TMEM62: variants seen among roughly 807,000 people sequenced by gnomAD.
TMEM62 encodes the protein transmembrane protein 62.
TMEM62 carries 41 observed loss-of-function variants against 70.4 expected under a neutral mutation model. The observed-to-expected ratio is 0.58, with a 90% CI of 0.45 to 0.76. TMEM62 has a LOEUF of 0.76. Among genes scored for constraint, TMEM62 ranks in the 30% least tolerant of loss-of-function variants. The pLI is 0.00. For synonymous variants in TMEM62, 268 were observed against 291.0 expected (o/e 0.92, Z 0.80); for missense variants, 688 against 788.5 (o/e 0.87, Z 1.53).
At chr15:43,167,348 G>A (rs1323071336) in intron 10 of TMEM62, among the ~76,000 whole-genome samples, 3 of 151,896 alleles carry the variant, frequency 2.0e-5, no homozygotes, top group African/African-American at 2.4e-5. Context: ...CCGGGCGGAG[G>A]GGCTCCTCAC....
chr15:43,145,300 G>T (rs533431598), intron 4 of TMEM62, among the ~76,000 whole-genome samples: 1 of 149,032 alleles, frequency 6.7e-6, no homozygotes. Context: ...CGCCTCCCGG[G>T]TTCAAGCCAT....
intron 11 of TMEM62, among the ~76,000 whole-genome samples, chr15:43,173,414 T>C (rs2082677795): frequency 6.6e-6 from 1 of 152,170 alleles, no homozygotes; most frequent in Non-Finnish European, 1.5e-5. Flanking sequence ...GCAAAAGCCT[T>C]AAGTGGCTTT....
At chr15:43,133,325 G>C (rs1007779338), upstream of TMEM62, 1 of 154,300 alleles carries the variant, frequency 6.5e-6, no homozygotes, top group Non-Finnish European at 1.4e-5. Context: ...AATTTAAAAG[G>C]CGTTCTCATA....
intron 2 of TMEM62, 48 bp downstream of exon 2, chr15:43,134,416 A>G: frequency 6.9e-7 from 1 of 1,457,766 alleles, no homozygotes; most frequent in Non-Finnish European, 9.6e-7. Context: ...TCCGCATGGT[A>G]GAACTCTAGC....
chr15:43,134,790 G>C (rs2034973212), intron 2 of TMEM62, among the ~76,000 whole-genome samples: 1 of 152,192 alleles, frequency 6.6e-6, no homozygotes, highest in Admixed American at 6.5e-5. Flanking sequence ...AGTTGTTTGA[G>C]GCTTCCGGTG....
chr15:43,176,796 G>C (rs1282604596), intron 11 of TMEM62, among the ~76,000 whole-genome samples: 3 of 152,056 alleles, frequency 2.0e-5, no homozygotes, highest in African/African-American at 2.4e-5. Flanking sequence ...TCCTCCAAAG[G>C]AACACAGTTC....
In TMEM62 at chr15:43,181,233, C is replaced by T. The variant is rs1302737278; in HGVS notation, c.1539C>T (p.Ser513=). The change falls in exon 13 of 14, where the codon TCC becomes TCT. Residue 513 remains serine, a synonymous_variant. Coordinates refer to ENST00000260403, the MANE Select transcript of TMEM62 (RefSeq NM_024956.4). ...IIDGKFGCCF[S]FGIFVNGHFL... is the part of the protein sequence containing the mutation. ...ATGGCAAATTTGGTTGCTGCTTTTC[C>T]TTTGGGATATTTGTTAATGGACATT... 1.2e-6 allele frequency: 2 copies of T among 1,613,444 alleles called. No homozygotes were observed. The highest frequency in any genetic ancestry group is 2.7e-5 in the African/African-American group (2 of 74,844).
chr15:43,178,665 C>T lies in TMEM62; in HGVS notation c.1440C>T (p.Asn480=), dbSNP rs1394961854. 3.7e-6 allele frequency: 6 copies of T among 1,612,912 alleles called. No homozygotes were observed. Among genetic ancestry groups the T allele is most frequent in the Middle Eastern group, 1.7e-4 (1 of 6,054 alleles). The part of the protein sequence containing the change: ...SFSLHVLSKI[N]IFYYSVLLLT... ...CTCTTCATGTCTTGAGCAAAATAAA[C>T]ATCTTCTACTATTCTGTGTTGTTGT... Residue 480 remains asparagine (N), a synonymous_variant, in exon 12 of 14, where the codon AAC becomes AAT. Transcript: ENST00000260403.
At chr15:43,149,198 C>T (rs775385617) in intron 7 of TMEM62, 47 bp downstream of exon 7, 1 of 1,588,344 alleles carries the variant, frequency 6.3e-7, no homozygotes, top group Admixed American at 1.8e-5. Context: ...ATAAGTTTTG[C>T]CAAAGCAATG....
chr15:43,154,574 C>T, intron 8 of TMEM62, 98 bp from the exon 9 acceptor site: 1 of 1,058,132 alleles, frequency 9.5e-7, no homozygotes, highest in Non-Finnish European at 1.3e-6. Context: ...ATGGTTCTGC[C>T]TATACGTGTA....
At chr15:43,160,516 G>T in intron 9 of TMEM62, 165 bp from the exon 10 acceptor site, 2 of 559,366 alleles carry the variant, frequency 3.6e-6, no homozygotes, top group East Asian at 6.0e-5. Flanking sequence ...CTGCACGCCA[G>T]CCTGGACAAC....
At chr15:43,143,174 G>T (rs2036265594) in intron 4 of TMEM62, among the ~76,000 whole-genome samples, 1 of 151,706 alleles carries the variant, frequency 6.6e-6, no homozygotes, top group African/African-American at 2.4e-5. Flanking sequence ...CGAGTCTCCT[G>T]GCTCAGCCTC....
chr15:43,134,146 A>T (rs1003370503), intron 1 of TMEM62, 111 bp from the exon 2 acceptor site: 1 of 1,440,288 alleles, frequency 6.9e-7, no homozygotes, highest in Admixed American at 2.0e-5. Context: ...GGGGTTCGTT[A>T]TGCATTGCCT....
intron 7 of TMEM62, 121 bp from the exon 8 acceptor site, chr15:43,151,669 A>G (rs925031333): frequency 1.2e-6 from 1 of 832,508 alleles, no homozygotes; most frequent in Non-Finnish European, 1.9e-6. Context: ...CTTAATCTGT[A>G]TTCAAATTAA....
upstream of TMEM62, chr15:43,133,340 C>G (rs61154941): frequency 1.9e-5 from 3 of 156,564 alleles, no homozygotes; most frequent in Admixed American, 2.0e-4. Context: ...CTCATACATT[C>G]TCACTTTGAT....
chr15:43,160,639 C>A, intron 9 of TMEM62, 42 bp from the exon 10 acceptor site: 2 of 1,030,434 alleles, frequency 1.9e-6, no homozygotes, highest in Non-Finnish European at 3.0e-6. Flanking sequence ...ATAAATATTT[C>A]CATGTACATG....
chr15:43,156,714 G>T (rs2038088749), intron 9 of TMEM62, among the ~76,000 whole-genome samples: 1 of 151,992 alleles, frequency 6.6e-6, no homozygotes, highest in South Asian at 2.1e-4. Flanking sequence ...CATACTTTTT[G>T]TATGTTTAAC....
chr15:43,138,858 A>C (rs2035606584), intron 4 of TMEM62, among the ~76,000 whole-genome samples: 1 of 152,142 alleles, frequency 6.6e-6, no homozygotes, highest in Admixed American at 6.5e-5. Flanking sequence ...TAACAGGTAA[A>C]ATTTTTCTAT....
chr15:43,138,761 A>T, intron 4 of TMEM62, 142 bp downstream of exon 4: 2 of 679,346 alleles, frequency 2.9e-6, no homozygotes, highest in Non-Finnish European at 5.1e-6. Context: ...CTAGCTCTGA[A>T]CTGAGCTCAA....
Sources: gnomAD v4.1 joint callset for allele counts (sites outside exome capture counted in the v4.1 genomes callset) on GRCh38, gnomAD v4.1.1 for gene constraint, MANE v1.5 for transcripts, NCBI Gene and HGNC (gene_info 2026-07-23, HGNC 2026-07-21) for gene names.